The following RANBP2 variants were observed in gnomAD, a reference collection of about 807,000 sequenced individuals.
The protein encoded by RANBP2 is E3 SUMO-protein ligase RanBP2.
A neutral mutation model predicts 303.6 loss-of-function variants in RANBP2; 57 were observed. The ratio of observed to expected loss-of-function variants is 0.19; its 90% confidence interval spans 0.15 to 0.23. The LOEUF (loss-of-function observed/expected upper bound fraction) is 0.23, where lower values mean the gene tolerates loss of function less well. RANBP2 is among the 10% of genes least tolerant of loss of function. The pLI is 1.00. For missense variants in RANBP2, 3,138 were observed against 3,780.8 expected (o/e 0.83, Z 4.46); for synonymous variants, 1,167 against 1,301.5 (o/e 0.90, Z 2.23).
chr2:109,176,606 A>G, the RANBP2 span, among the ~76,000 whole-genome samples: 124,471 of 152,132 alleles, frequency 0.82, 51,066 homozygotes, highest in East Asian at 0.89. Context: ...GTGTGGTGGC[A>G]CATGCCTGTA....
the RANBP2 span, among the ~76,000 whole-genome samples, chr2:109,136,025 A>G: frequency 2.0e-5 from 3 of 152,188 alleles, no homozygotes; most frequent in Non-Finnish European, 4.4e-5. Flanking sequence ...ACAGCTGCCT[A>G]GAATCAGGCT....
the RANBP2 span, among the ~76,000 whole-genome samples, chr2:109,589,401 G>T: frequency 2.8e-4 from 42 of 152,168 alleles, 2 homozygotes; most frequent in African/African-American, 8.7e-4. Flanking sequence ...GCATGGTGGT[G>T]CATGCCTGTA....
chr2:109,136,929 A>T, the RANBP2 span, among the ~76,000 whole-genome samples: 1 of 152,048 alleles, frequency 6.6e-6, no homozygotes, highest in African/African-American at 2.4e-5. Context: ...AGCCATCTTT[A>T]CCCTGGTTCA....
the RANBP2 span, among the ~76,000 whole-genome samples, chr2:109,336,508 T>C: frequency 1.3e-5 from 2 of 152,146 alleles, no homozygotes; most frequent in Non-Finnish European, 2.9e-5. Flanking sequence ...GAGGACTCGC[T>C]GTGAGGCCCC....
the RANBP2 span, among the ~76,000 whole-genome samples, chr2:109,109,211 A>G: frequency 5.9e-5 from 9 of 152,226 alleles, no homozygotes; most frequent in Non-Finnish European, 1.2e-4. Flanking sequence ...AATAAACACA[A>G]TGGAGCGCTC....
At chr2:109,052,064 C>T in the RANBP2 span, among the ~76,000 whole-genome samples, 22 of 152,178 alleles carry the variant, frequency 1.4e-4, no homozygotes, top group Admixed American at 1.4e-3. Context: ...ATACTACCTT[C>T]TAACAGATTA....
At chr2:109,520,381 T>G in the RANBP2 span, among the ~76,000 whole-genome samples, 1 of 151,710 alleles carries the variant, frequency 6.6e-6, no homozygotes, top group Non-Finnish European at 1.5e-5. Context: ...GACAGGCAGA[T>G]CATGAGGTCA....
chr2:109,335,964 A>C, the RANBP2 span, among the ~76,000 whole-genome samples: 1 of 152,232 alleles, frequency 6.6e-6, no homozygotes, highest in African/African-American at 2.4e-5. Context: ...TATGTCGGTG[A>C]GACTGATAGC....
chr2:109,219,872 G>A, the RANBP2 span, among the ~76,000 whole-genome samples: 13 of 152,054 alleles, frequency 8.5e-5, no homozygotes, highest in African/African-American at 2.7e-4. Context: ...ACAGATTCAG[G>A]GCAATCTCTA....
chr2:109,719,025 A>AT, the RANBP2 span, among the ~76,000 whole-genome samples: 3 of 139,042 alleles, frequency 2.2e-5, no homozygotes, highest in African/African-American at 7.5e-5. Context: ...AAAAAAAAAA[A>AT]AAAGAAACAA....
the RANBP2 span, chr2:108,839,396 G>A: frequency 9.6e-7 from 1 of 1,044,404 alleles, no homozygotes; most frequent in Non-Finnish European, 1.4e-6. Flanking sequence ...TATATTCTCT[G>A]TATTTCAGAA....
chr2:109,261,673 A>T, the RANBP2 span, among the ~76,000 whole-genome samples: 1 of 152,206 alleles, frequency 6.6e-6, no homozygotes, highest in Non-Finnish European at 1.5e-5. Flanking sequence ...CCATGACGAC[A>T]GGTAAAGCTT....
chr2:108,805,788 T>A, the RANBP2 span, among the ~76,000 whole-genome samples: 1 of 152,150 alleles, frequency 6.6e-6, no homozygotes, highest in African/African-American at 2.4e-5. Context: ...ATAAATAGTT[T>A]TGTGAGTTAT....
At chr2:109,130,052 C>A in the RANBP2 span, 1 of 1,363,024 alleles carries the variant, frequency 7.3e-7, no homozygotes, top group Admixed American at 3.4e-5. Flanking sequence ...TCCGCGGCCG[C>A]GGGCAGCACC....
the RANBP2 span, among the ~76,000 whole-genome samples, chr2:109,063,782 G>A: frequency 6.6e-6 from 1 of 151,234 alleles, no homozygotes; most frequent in South Asian, 2.1e-4. Flanking sequence ...TGGCCAAAAG[G>A]GGTAACTGCA....
the RANBP2 span, chr2:109,449,093 G>C: frequency 6.7e-7 from 1 of 1,499,286 alleles, no homozygotes. Context: ...GCCTGAGTGT[G>C]CATTGCAGCT....
chr2:108,834,204 C>A, the RANBP2 span, among the ~76,000 whole-genome samples: 2 of 146,306 alleles, frequency 1.4e-5, no homozygotes, highest in Non-Finnish European at 2.9e-5. Flanking sequence ...TTACATATTT[C>A]ATCTTTGAAA....
At chr2:109,332,969 C>G in the RANBP2 span, among the ~76,000 whole-genome samples, 1 of 152,220 alleles carries the variant, frequency 6.6e-6, no homozygotes, top group African/African-American at 2.4e-5. Flanking sequence ...GTCCCAACAT[C>G]AGCAGGATGC....
the RANBP2 span, among the ~76,000 whole-genome samples, chr2:109,007,591 G>A: frequency 6.6e-6 from 1 of 152,238 alleles, no homozygotes; most frequent in Non-Finnish European, 1.5e-5. Flanking sequence ...AGATGGCAGA[G>A]CTCCCCTCTG....
Sources: allele counts gnomAD v4.1 joint callset (sites outside exome capture counted in the v4.1 genomes callset), GRCh38; gene constraint gnomAD v4.1.1; transcripts MANE v1.5; gene names NCBI Gene and HGNC (gene_info 2026-07-23, HGNC 2026-07-21).